ZNF207: variants seen among roughly 807,000 people sequenced by gnomAD.
The protein encoded by ZNF207 is zinc finger protein 207.
ZNF207 carries 24 observed loss-of-function variants against 60.2 expected under a neutral mutation model. The ratio of observed to expected loss-of-function variants is 0.40; its 90% CI spans 0.29 to 0.56. The LOEUF is 0.56. Among genes scored for constraint, ZNF207 ranks in the 20% least tolerant of loss-of-function variants. ZNF207 has a pLI of 0.49. For missense variants in ZNF207, 452 were observed against 636.6 expected, an observed-to-expected ratio of 0.71 and a Z score of 3.12; for synonymous variants, 236 against 194.7, an observed-to-expected ratio of 1.21 and a Z score of -1.77.
In ZNF207 at chr17:32,371,676, A is replaced by C. The variant is rs1905469307; in HGVS notation, c.*1917A>C. The C allele has an allele frequency of 6.6e-6, 1 of 152,148 alleles. No homozygotes were observed. The highest frequency in any genetic ancestry group is 2.4e-5 in the African/African-American group (1 of 41,432). The allele number at this position is 152,148 out of a possible 1,614,324, so 9.4% of individuals were successfully genotyped here. The stretch of plus-strand genomic sequence containing the variant: ...AGGAAGGAGGTTCTTCCTCCTTCCG[A>C]GGCTGCGGTGAGCTATGTTCACTCC... On this transcript the variant is annotated 3_prime_UTR_variant, in exon 12 of 12. Coordinates refer to ENST00000394670, the MANE Select transcript of ZNF207 (RefSeq NM_001098507.2).
In ZNF207 at chr17:32,373,154, A is replaced by C. The variant is rs1268263686; in HGVS notation, c.*3395A>C. Reference sequence around the variant, plus strand: ...AATAAAATATTCCTACTGTACTCCTATTCCACTAAGTTACATTTTGAACTT... The same window carrying C: ...AATAAAATATTCCTACTGTACTCCTCTTCCACTAAGTTACATTTTGAACTT... On this transcript the variant is annotated 3_prime_UTR_variant, in exon 12 of 12. Coordinates refer to ENST00000394670, the MANE Select transcript of ZNF207 (RefSeq NM_001098507.2). The C allele has an allele frequency of 7.6e-6, 3 of 394,326 alleles. No individual in the cohort carries two copies. The highest frequency in any genetic ancestry group is 4.0e-5 in the African/African-American group (2 of 49,458). 24.4% of individuals were successfully genotyped at this position (394,326 alleles called of 1,614,324 possible). A position where few individuals can be genotyped will look rare whatever the true frequency, so the allele number is the denominator to read the frequency against.
Position 32,365,326 on chromosome 17 carries a change from G to T in ZNF207, c.671-4G>T. 6.2e-7 allele frequency: 1 copy of T among 1,605,780 alleles called. No individual in the cohort carries two copies. Among genetic ancestry groups the T allele is most frequent in the Non-Finnish European group, 8.5e-7 (1 of 1,175,518 alleles). ...CAATTTCCCCAAACATTTCTTCTCT[G>T]CAGGTATGCCCCCACCTGTTCCACG... On this transcript the variant is annotated splice_region_variant and splice_polypyrimidine_tract_variant and intron_variant, in intron 7 of 11. Coordinates refer to ENST00000394670, the MANE Select transcript of ZNF207 (RefSeq NM_001098507.2).
chr17:32,368,308 T>C, intron 10 of ZNF207: 2 of 379,806 alleles, frequency 5.3e-6, no homozygotes, highest in Non-Finnish European at 9.6e-6. Context: ...AACATAAGTT[T>C]GCATATGTTA....
intron 5 of ZNF207, 164 bp from the exon 6 acceptor site, chr17:32,361,302 CTG>C (rs1904869029): frequency 1.5e-5 from 9 of 591,456 alleles, no homozygotes; most frequent in Non-Finnish European, 2.0e-5. Flanking sequence ...CAGAGAAACT[CTG>C]TAAATGATTT....
Position 32,369,426 on chromosome 17 carries a change from A to G in ZNF207, c.1296A>G (p.Gln432=), listed in dbSNP as rs1266353422. Residue 432 remains glutamine (Q), a synonymous_variant, in exon 11 of 12, where the codon CAA becomes CAG. Transcript: ENST00000394670. ...MPPQPGIPQQ[Q]GMRPPMPPHG... is the part of the protein sequence containing the mutation. ...CACAGCCAGGCATCCCACAGCAACA[A>G]GGAATGAGACCCCCAATGCCACCTC... is the stretch of plus-strand genomic sequence containing the variant. The G allele has an allele frequency of 1.2e-6, 2 of 1,614,214 alleles. No individual in the cohort carries two copies. Among genetic ancestry groups the G allele is most frequent in the South Asian group, 1.1e-5 (1 of 91,086 alleles).
Position 32,369,608 on chromosome 17 carries a change from G to A in ZNF207, c.1334G>A (p.Gly445Asp). Residue 445 changes from glycine to aspartate, a missense_variant, in exon 12 of 12, where the codon GGT (glycine) becomes GAT (aspartate). This residue lies in a region of ZNF207 where 390 missense variants were observed against 461.4 expected (regional missense o/e 0.85). Coordinates refer to ENST00000394670, the MANE Select transcript of ZNF207 (RefSeq NM_001098507.2). ...RPPMPPHGQY[G>D]GHHQGMPGYL... ...AAATTCTTGATTTTAGGTCAGTATG[G>A]TGGTCATCATCAAGGCATGCCAGGA... 2 of 1,567,624 alleles carry A rather than the reference G, an allele frequency of 1.3e-6. No homozygotes were observed. Among genetic ancestry groups the A allele is most frequent in the Non-Finnish European group, 1.7e-6 (2 of 1,155,536 alleles).
intron 7 of ZNF207, among the ~76,000 whole-genome samples, chr17:32,363,851 G>A: frequency 6.6e-6 from 1 of 151,822 alleles, no homozygotes. Context: ...GTATTAAACG[G>A]TGTAGGCATT....
chr17:32,361,562 T>C, intron 6 of ZNF207, 47 bp downstream of exon 6: 1 of 1,539,034 alleles, frequency 6.5e-7, no homozygotes, highest in Non-Finnish European at 8.8e-7. Flanking sequence ...AATCATACTG[T>C]CATTTTTTTA....
chr17:32,373,333 T>C lies in ZNF207; in HGVS notation c.*3574T>C. 1.6e-6 allele frequency: 1 copy of C among 638,708 alleles called. No homozygotes were observed. Among genetic ancestry groups the C allele is most frequent in the Non-Finnish European group, 2.8e-6 (1 of 357,742 alleles). 39.6% of individuals were successfully genotyped at this position (638,708 alleles called of 1,614,324 possible). A position where few individuals can be genotyped will look rare whatever the true frequency, so the allele number is the denominator to read the frequency against. On this transcript the variant is annotated 3_prime_UTR_variant, in exon 12 of 12. Transcript: ENST00000394670. ...TTGGGATTTTTAAAAAAAAAAATTT[T>C]AATGCATGTCTTTTAAATTAATTGG...
At position 32,379,799 on chromosome 17, in the gene ZNF207, A is replaced by G. The variant is rs1367235510; in HGVS notation, c.*10040A>G. ...GAAATACTGATTTCTGAGACCACGT[A>G]TACCAGTGAAAATTAGCTTCTGAGT... On this transcript the variant is annotated 3_prime_UTR_variant, in exon 12 of 12. Coordinates refer to ENST00000394670, the MANE Select transcript of ZNF207 (RefSeq NM_001098507.2). 2 of 152,224 alleles carry G rather than the reference A, an allele frequency of 1.3e-5. No homozygotes were observed. The highest frequency in any genetic ancestry group is 3.8e-4 in the East Asian group (2 of 5,202). 9.4% of individuals were successfully genotyped at this position (152,224 alleles called of 1,614,324 possible). A position where few individuals can be genotyped will look rare whatever the true frequency, so the allele number is the denominator to read the frequency against.
rs766329811 is a variant in ZNF207, at chr17:32,360,843, C to G, written c.476-49C>G. 1.7e-5 allele frequency: 27 copies of G among 1,612,520 alleles called. 1 individual carries two copies. The highest frequency in any genetic ancestry group is 1.6e-4 in the Middle Eastern group (1 of 6,082). ...GTATCGAAGTATTACTTTCTTCCCT[C>G]TAACTCTTTAATATTTGTTATTATT... On this transcript the variant is annotated intron_variant, in intron 4 of 11. Coordinates refer to ENST00000394670, the MANE Select transcript of ZNF207 (RefSeq NM_001098507.2).
At chr17:32,352,261 C>T (rs1341859352) in intron 2 of ZNF207, among the ~76,000 whole-genome samples, 1 of 152,084 alleles carries the variant, frequency 6.6e-6, no homozygotes, top group African/African-American at 2.4e-5. Flanking sequence ...TGAGCCACCG[C>T]GCCTGGCCGA....
rs1905117327 is a variant in ZNF207, at chr17:32,365,478, T to A, written c.819T>A (p.Ser273Arg). The A allele has an allele frequency of 6.2e-7, 1 of 1,613,918 alleles. No individual in the cohort carries two copies. Among genetic ancestry groups the A allele is most frequent in the Admixed American group, 1.7e-5 (1 of 59,974 alleles). The change falls in exon 8 of 12, where the codon AGT (serine) becomes AGA (arginine). Residue 273 changes from serine (S) to arginine (R), a missense_variant. Coordinates refer to ENST00000394670, the MANE Select transcript of ZNF207 (RefSeq NM_001098507.2). ...QPPVTKPLFPSAGQMGTPVTS... is the reference protein window; with the variant it reads ...QPPVTKPLFPRAGQMGTPVTS... ...CAGTTACTAAGCCTCTTTTCCCCAG[T>A]GCTGGACAGGTAAGGTGAAAATCCT...
intron 1 of ZNF207, chr17:32,350,895 C>G (rs1223640812): frequency 6.6e-6 from 1 of 150,590 alleles, no homozygotes; most frequent in Non-Finnish European, 1.5e-5. Context: ...CGTGTCTCAC[C>G]CAGAGGCGCC....
In ZNF207 at chr17:32,350,500, A is replaced by T; in HGVS notation, c.41+174A>T. 1.0e-5 allele frequency: 8 copies of T among 772,866 alleles called. No individual in the cohort carries two copies. The South Asian group carries it at 1.3e-4, about 13-fold the overall frequency. 47.9% of individuals were successfully genotyped at this position (772,866 alleles called of 1,614,324 possible). A position where few individuals can be genotyped will look rare whatever the true frequency, so the allele number is the denominator to read the frequency against. On this transcript the variant is annotated intron_variant, in intron 1 of 11. Coordinates refer to ENST00000394670, the MANE Select transcript of ZNF207 (RefSeq NM_001098507.2). Reference sequence around the variant, plus strand: ...AGGCTTCTAGGAAAATGGGGTTCCGAGGTCGACAGGCTTTTGCAGTTGTGG... The same window carrying T: ...AGGCTTCTAGGAAAATGGGGTTCCGTGGTCGACAGGCTTTTGCAGTTGTGG...
At chr17:32,356,783 A>G (rs555266029) in intron 2 of ZNF207, among the ~76,000 whole-genome samples, 2 of 152,026 alleles carry the variant, frequency 1.3e-5, no homozygotes, top group African/African-American at 2.4e-5. Flanking sequence ...GGGATATTAC[A>G]TTATTGGCAA....
At chr17:32,358,686 AT>A (rs368787491) in intron 3 of ZNF207, 45 bp downstream of exon 3, 49,213 of 949,170 alleles carry the variant, frequency 0.052, 1 homozygote, top group East Asian at 0.062. Flanking sequence ...ATTTTTTTTA[AT>A]TTTTTTTTTT....
intron 9 of ZNF207, among the ~76,000 whole-genome samples, chr17:32,367,239 TTATATA>T (rs10525886): frequency 0.025 from 804 of 32,084 alleles, 2 homozygotes; most frequent in South Asian, 0.039. Context: ...TTGGAGGGGA[TTATATA>T]TATATATATA....
rs1904832707 is a variant in ZNF207, at chr17:32,360,770, C to T, written c.475+5C>T. 6.2e-7 allele frequency: 1 copy of T among 1,613,354 alleles called. No individual in the cohort carries two copies. Among genetic ancestry groups the T allele is most frequent in the Non-Finnish European group, 8.5e-7 (1 of 1,179,540 alleles). On this transcript the variant is annotated splice_donor_5th_base_variant and intron_variant, in intron 4 of 11. Coordinates refer to ENST00000394670, the MANE Select transcript of ZNF207 (RefSeq NM_001098507.2). ...GAGCACCAGGAATGCCTCCAGGTAG[C>T]ACATAGGATTGCTTAAAATCTAACA...
Sources: allele counts gnomAD v4.1 joint callset (sites outside exome capture counted in the v4.1 genomes callset), GRCh38; gene constraint gnomAD v4.1.1; regional missense constraint gnomAD v4.1.1; transcripts MANE v1.5; gene names NCBI Gene and HGNC (gene_info 2026-07-23, HGNC 2026-07-21).